The following SERAC1 variants were observed in gnomAD, a reference collection of about 807,000 sequenced individuals.
SERAC1 encodes the protein protein SERAC1.
In SERAC1, 36 loss-of-function variants were observed where a neutral mutation model predicts 85.7. That is an observed-to-expected ratio of 0.42 (90% confidence interval 0.32 to 0.55). The LOEUF is 0.55. Ranked by LOEUF, SERAC1 falls within the 20% of genes least tolerant of loss-of-function variation. The probability of loss-of-function intolerance (pLI) is 0.11; values close to 1 mark genes in which losing one functional copy is unlikely to be tolerated. For missense variants in SERAC1, 629 were observed against 796.2 expected (o/e 0.79, Z 2.53); for synonymous variants, 242 against 265.3 (o/e 0.91, Z 0.85).
At chr6:158,159,522 A>ACTAT (rs1469533654) in intron 1 of SERAC1, among the ~76,000 whole-genome samples, 1 of 149,328 alleles carries the variant, frequency 6.7e-6, no homozygotes, top group Non-Finnish European at 1.5e-5. Context: ...AAAAAAAAAG[A>ACTAT]CTATAAATTA....
intron 8 of SERAC1, among the ~76,000 whole-genome samples, chr6:158,140,126 G>C (rs1337745606): frequency 6.6e-6 from 1 of 152,170 alleles, no homozygotes; most frequent in Non-Finnish European, 1.5e-5. Flanking sequence ...TAAGAAATAC[G>C]TATTTGGTCT....
rs142851696 is a variant in SERAC1 at position 158,121,006 on chromosome 6, C to T, written c.1016-431G>A. Among the ~76,000 whole-genome samples, 595 of 152,232 alleles carry T rather than the reference C, an allele frequency of 3.9e-3. 6 individuals carry two copies. The highest frequency in any genetic ancestry group is 0.014 in the African/African-American group (570 of 41,542). On this transcript the variant is annotated intron_variant, in intron 10 of 16. Coordinates refer to ENST00000647468, the MANE Select transcript of SERAC1 (RefSeq NM_032861.4). ...ATACCCTTTCATACAAATGAAGAAACTATTTCTTAACAATGAATTTGAGAC... is the reference window on the plus strand; with the variant it reads ...ATACCCTTTCATACAAATGAAGAAATTATTTCTTAACAATGAATTTGAGAC...
chr6:158,129,701 G>T (rs1207902929), intron 9 of SERAC1, among the ~76,000 whole-genome samples: 19 of 137,938 alleles, frequency 1.4e-4, no homozygotes, highest in African/African-American at 3.8e-4. Flanking sequence ...TTTTTGTTTT[G>T]TTTTTTTTTT....
At chr6:158,157,908 C>T (rs996083417) in intron 2 of SERAC1, among the ~76,000 whole-genome samples, 16 of 152,168 alleles carry the variant, frequency 1.1e-4, no homozygotes, top group South Asian at 2.1e-4. Flanking sequence ...AGCCATATCC[C>T]GAGCCCCCGT....
At position 158,120,061 on chromosome 6, in the gene SERAC1, C is replaced by T. The variant is rs1784383865; in HGVS notation, c.1166+364G>A. Among the ~76,000 whole-genome samples, 1 of 152,182 alleles carries T rather than the reference C, an allele frequency of 6.6e-6. No individual in the cohort carries two copies. The highest frequency in any genetic ancestry group is 1.5e-5 in the Non-Finnish European group (1 of 68,036). ...GCCACATAAGACAATGTCTTATCTC[C>T]TTCCTATTCAGCTGACTTCTACAAT... is the stretch of plus-strand genomic sequence containing the variant. On this transcript the variant is annotated intron_variant, in intron 11 of 16. Coordinates refer to ENST00000647468, the MANE Select transcript of SERAC1 (RefSeq NM_032861.4). This position sits in a 1 kb window ranked among gnomAD's most constrained non-coding sequence, Gnocchi z 4.4.
At chr6:158,122,940 T>C (rs185214951) in intron 10 of SERAC1, among the ~76,000 whole-genome samples, 2 of 152,320 alleles carry the variant, frequency 1.3e-5, no homozygotes, top group Admixed American at 6.5e-5. Flanking sequence ...GAGTACGCCA[T>C]TGTTTAACCA....
chr6:158,114,842 A>G lies in SERAC1; in HGVS notation c.1631T>C (p.Val544Ala), dbSNP rs780482026. 2.5e-6 allele frequency: 4 copies of G among 1,614,124 alleles called. No homozygotes were observed. Among genetic ancestry groups the G allele is most frequent in the Non-Finnish European group, 3.4e-6 (4 of 1,180,002 alleles). The change falls in exon 15 of 17, where the codon GTT becomes GCT. Residue 544 changes from valine (V) to alanine (A), a missense_variant. Val to Ala is a moderately conservative substitution (Grantham distance 64). Transcript: ENST00000647468. ...HHGSRLAEYS[V>A]NIRYLLFPSL... ...GGGGAAGAGAAGATAGCGAATATTA[A>G]CAGAGTATTCAGCCAAACGTGATCC...
At chr6:158,135,998 G>C (rs1243259372) in intron 8 of SERAC1, among the ~76,000 whole-genome samples, 1 of 152,114 alleles carries the variant, frequency 6.6e-6, no homozygotes, top group Non-Finnish European at 1.5e-5. Flanking sequence ...TTTTAGTAGA[G>C]ATGGGGTTTC....
Position 158,111,199 on chromosome 6 carries a change from T to C in SERAC1, c.*167A>G. On this transcript the variant is annotated 3_prime_UTR_variant, in exon 17 of 17. Transcript: ENST00000647468. ...TGCCTGCCACTTCCGGGTTGGTGCT[T>C]TACAGCGCTTGAAGGGAGAACAATG... 1.7e-6 allele frequency: 1 copy of C among 585,230 alleles called. No individual in the cohort carries two copies. The highest frequency in any genetic ancestry group is 2.7e-6 in the Non-Finnish European group (1 of 368,378). 36.3% of individuals were successfully genotyped at this position (585,230 alleles called of 1,614,324 possible). A position where few individuals can be genotyped will look rare whatever the true frequency, so the allele number is the denominator to read the frequency against.
At chr6:158,131,319 A>G (rs1474244310) in intron 8 of SERAC1, among the ~76,000 whole-genome samples, 2 of 147,344 alleles carry the variant, frequency 1.4e-5, no homozygotes, top group African/African-American at 4.9e-5. Context: ...ATATTTATAT[A>G]TTGTATAGTA....
rs77137771 is a variant in SERAC1, at chr6:158,138,037, T to G, written c.738+5019A>C. Among the ~76,000 whole-genome samples the G allele has an allele frequency of 7.0e-3, 1,059 of 152,214 alleles. 11 individuals carry two copies. The highest frequency in any genetic ancestry group is 0.024 in the African/African-American group (1,004 of 41,532). On this transcript the variant is annotated intron_variant, in intron 8 of 16. Transcript: ENST00000647468. ...GTGAATGTTAAAACACACAAACACATGATATGTTAACTATGAACACACACA... is the reference window on the plus strand; with the variant it reads ...GTGAATGTTAAAACACACAAACACAGGATATGTTAACTATGAACACACACA...
intron 8 of SERAC1, among the ~76,000 whole-genome samples, chr6:158,134,176 C>T (rs1440338314): frequency 6.6e-6 from 1 of 152,324 alleles, no homozygotes; most frequent in East Asian, 1.9e-4. Flanking sequence ...TTCAGTGAAG[C>T]ATCAACAGCA....
In SERAC1 at chr6:158,152,300, G is replaced by A. The variant is rs574057667; in HGVS notation, c.129-1711C>T. On this transcript the variant is annotated intron_variant, in intron 3 of 16. Transcript: ENST00000647468. ...GGAGGCCGAGGCGGGCGGATCACCC[G>A]AGGTCAGGAATTCAAGACCGGCCTG... Among the ~76,000 whole-genome samples, 122 of 152,242 alleles carry A rather than the reference G, an allele frequency of 8.0e-4. 1 individual carries two copies. The highest frequency in any genetic ancestry group is 2.8e-3 in the African/African-American group (115 of 41,548).
chr6:158,127,053 A>ATC, intron 10 of SERAC1, among the ~76,000 whole-genome samples: 1 of 149,086 alleles, frequency 6.7e-6, no homozygotes, highest in African/African-American at 2.5e-5. Flanking sequence ...ATTCTCTCAA[A>ATC]AAAAAAAAAA....
At chr6:158,128,621 T>A (rs1328643376) in intron 9 of SERAC1, among the ~76,000 whole-genome samples, 3 of 152,184 alleles carry the variant, frequency 2.0e-5, no homozygotes, top group Non-Finnish European at 4.4e-5. Context: ...AAAACAGTTC[T>A]CACCTTGAAA....
chr6:158,130,559 T>A, intron 8 of SERAC1, 73 bp from the exon 9 acceptor site: 1 of 854,832 alleles, frequency 1.2e-6, no homozygotes, highest in Non-Finnish European at 1.8e-6. Context: ...AAAAAAGAAA[T>A]CTCTGTACTA....
chr6:158,164,016 T>C (rs573468498), intron 1 of SERAC1, among the ~76,000 whole-genome samples: 118 of 151,746 alleles, frequency 7.8e-4, no homozygotes, highest in Middle Eastern at 3.4e-3. Context: ...ATTACAGGTG[T>C]GAGCCACCGC....
chr6:158,120,621 C>T lies in SERAC1; in HGVS notation c.1016-46G>A. The T allele has an allele frequency of 6.3e-7, 1 of 1,588,368 alleles. No individual in the cohort carries two copies. The highest frequency in any genetic ancestry group is 8.6e-7 in the Non-Finnish European group (1 of 1,166,416). On this transcript the variant is annotated intron_variant, in intron 10 of 16. Transcript: ENST00000647468. The surrounding 1 kb of genome is among the most constrained non-coding windows in gnomAD (Gnocchi z 4.4). ...CCTAAATACTGATGTGAATCCATCG[C>T]AGACCACAGAGAGAGTGAGGTTTCA...
At chr6:158,135,705 G>C (rs1784777549) in intron 8 of SERAC1, among the ~76,000 whole-genome samples, 1 of 152,174 alleles carries the variant, frequency 6.6e-6, no homozygotes, top group South Asian at 2.1e-4. Flanking sequence ...GGCTCAGGCA[G>C]AAAAATATTA....
Sources: allele counts gnomAD v4.1 joint callset (sites outside exome capture counted in the v4.1 genomes callset), GRCh38; gene constraint gnomAD v4.1.1; non-coding constraint Gnocchi (gnomAD v3.1); transcripts MANE v1.5; gene names NCBI Gene and HGNC (gene_info 2026-07-23, HGNC 2026-07-21).